The following MIER1 variants were observed in gnomAD, a reference collection of about 807,000 sequenced individuals.
MIER1 encodes the protein mesoderm induction early response protein 1.
Under a neutral mutation model 75.7 loss-of-function variants are expected in MIER1, and 40 were observed. That is an observed-to-expected ratio of 0.53 (90% CI 0.41 to 0.69). The LOEUF is 0.69. MIER1 is among the 30% of genes least tolerant of loss of function. MIER1 has a pLI of 0.00. For missense variants in MIER1, 574 were observed against 680.2 expected (o/e 0.84, Z 1.74); for synonymous variants, 213 against 223.4 (o/e 0.95, Z 0.42).
chr1:66,931,803 C>T (rs978110481), intron 2 of MIER1, among the ~76,000 whole-genome samples: 15 of 151,906 alleles, frequency 9.9e-5, no homozygotes, highest in Non-Finnish European at 2.1e-4. Context: ...TGTTTGTTTC[C>T]TTCATGTTTA....
intron 2 of MIER1, among the ~76,000 whole-genome samples, chr1:66,934,463 G>T (rs1654246275): frequency 2.0e-5 from 3 of 149,458 alleles, no homozygotes; most frequent in Admixed American, 1.3e-4. Context: ...GAGTGCAGTG[G>T]CGCAAATCAT....
chr1:66,925,999 C>T (rs1306402458), intron 1 of MIER1, 143 bp from the exon 2 acceptor site: 3 of 637,594 alleles, frequency 4.7e-6, no homozygotes, highest in African/African-American at 1.8e-5. Context: ...ACTTAAGGCT[C>T]ATTAAATGTT....
chr1:66,953,494 A>G (rs907615645), intron 4 of MIER1, among the ~76,000 whole-genome samples: 4 of 151,762 alleles, frequency 2.6e-5, no homozygotes, highest in East Asian at 3.9e-4. Context: ...TTTGGTGGTG[A>G]TGATTTTTTC....
chr1:66,945,624 C>T (rs1300587687), intron 3 of MIER1, among the ~76,000 whole-genome samples: 5 of 152,028 alleles, frequency 3.3e-5, no homozygotes, highest in Non-Finnish European at 5.9e-5. Context: ...GACTTTGGGA[C>T]GCCAAGGCAG....
intron 8 of MIER1, among the ~76,000 whole-genome samples, chr1:66,966,790 T>C (rs1005313304): frequency 1.3e-5 from 2 of 152,068 alleles, no homozygotes; most frequent in African/African-American, 4.8e-5. Context: ...ATGGACACTT[T>C]TTTTGCCATC....
At chr1:66,945,316 TAAAATAC>T (rs1558042253) in intron 3 of MIER1, among the ~76,000 whole-genome samples, 2 of 106,758 alleles carry the variant, frequency 1.9e-5, no homozygotes, top group Non-Finnish European at 4.1e-5. Flanking sequence ...TATATATATA[TAAAATAC>T]CTAATATAGG....
At chr1:66,981,230 C>G (rs1221892623) in intron 12 of MIER1, among the ~76,000 whole-genome samples, 1 of 152,016 alleles carries the variant, frequency 6.6e-6, no homozygotes, top group Non-Finnish European at 1.5e-5. Context: ...AGCTCACATA[C>G]AATGAGAAAG....
At chr1:66,951,747 A>AT (rs1341354999) in intron 4 of MIER1, among the ~76,000 whole-genome samples, 6 of 152,064 alleles carry the variant, frequency 3.9e-5, no homozygotes, top group African/African-American at 1.4e-4. Flanking sequence ...GCCTGGCTAC[A>AT]TTCCTGTATT....
At chr1:66,941,986 A>AC (rs1469389999) in intron 3 of MIER1, among the ~76,000 whole-genome samples, 3 of 151,580 alleles carry the variant, frequency 2.0e-5, no homozygotes, top group Non-Finnish European at 4.4e-5. Context: ...AAAAAAAAAA[A>AC]ACAGTCTTTG....
intron 7 of MIER1, among the ~76,000 whole-genome samples, chr1:66,962,382 T>TTTTTCCTA (rs1661429519): frequency 6.6e-6 from 1 of 152,218 alleles, no homozygotes. Context: ...CTTTTTGTTA[T>TTTTTCCTA]TTTTCCTACT....
At chr1:66,954,478 A>T (rs1022239882) in intron 4 of MIER1, among the ~76,000 whole-genome samples, 4 of 152,152 alleles carry the variant, frequency 2.6e-5, no homozygotes, top group African/African-American at 9.7e-5. Context: ...TGTCTGCTCT[A>T]ATCAGGGTGA....
rs1289814872 is a variant in MIER1, at chr1:66,988,582, T to C, written c.*3682T>C. ...TGTCTTTAGTTAGTATAAAGAATTA[T>C]AGAATGTATAATGTAATTAAAATGT... On this transcript the variant is annotated 3_prime_UTR_variant, in exon 14 of 14. Coordinates refer to ENST00000401041, the MANE Select transcript of MIER1 (RefSeq NM_001077700.3). 2 of 152,144 alleles carry C rather than the reference T, an allele frequency of 1.3e-5. No individual in the cohort carries two copies. The highest frequency in any genetic ancestry group is 6.5e-5 in the Admixed American group (1 of 15,278). 9.4% of individuals were successfully genotyped at this position (152,144 alleles called of 1,614,324 possible).
intron 8 of MIER1, among the ~76,000 whole-genome samples, chr1:66,965,614 G>A (rs1662225353): frequency 6.6e-6 from 1 of 152,098 alleles, no homozygotes; most frequent in Non-Finnish European, 1.5e-5. Flanking sequence ...ACCACATCAT[G>A]GCAAATGGTG....
intron 4 of MIER1, among the ~76,000 whole-genome samples, chr1:66,957,823 A>T (rs886744038): frequency 6.6e-6 from 1 of 151,992 alleles, no homozygotes; most frequent in Non-Finnish European, 1.5e-5. Context: ...TTTTAATTAT[A>T]CTTAAAGATC....
Position 66,958,071 on chromosome 1 carries a change from C to T in MIER1, c.352C>T (p.Pro118Ser). The T allele has an allele frequency of 6.3e-7, 1 of 1,580,226 alleles. No homozygotes were observed. Among genetic ancestry groups the T allele is most frequent in the Non-Finnish European group, 8.6e-7 (1 of 1,161,936 alleles). ...IEDLAREGDM[P>S]IHELLSLYGY... ...TTGATTTATTTAGGAAGGCGACATG[C>T]CAATTCATGAACTTCTCAGCCTTTA... The change falls in exon 5 of 14, where the codon CCA becomes TCA. Residue 118 changes from proline to serine, a missense_variant. Transcript: ENST00000401041.
intron 12 of MIER1, among the ~76,000 whole-genome samples, chr1:66,980,644 CATACTT>C (rs1171819885): frequency 6.6e-6 from 1 of 152,166 alleles, no homozygotes; most frequent in African/African-American, 2.4e-5. Flanking sequence ...ATATTTCTAT[CATACTT>C]ATGCTGAAGG....
At chr1:66,976,529 G>C in intron 11 of MIER1, 66 bp from the exon 12 acceptor site, 2 of 1,458,800 alleles carry the variant, frequency 1.4e-6, no homozygotes, top group Non-Finnish European at 1.8e-6. Flanking sequence ...TCAAACTTCA[G>C]ATGTTTATCA....
Position 66,984,564 on chromosome 1 carries a change from C to T in MIER1, c.1370-8C>T. 6.5e-7 allele frequency: 1 copy of T among 1,544,430 alleles called. No individual in the cohort carries two copies. Among genetic ancestry groups the T allele is most frequent in the South Asian group, 1.2e-5 (1 of 81,412 alleles). ...ATTGTGGTTTCATTTATATTTCTTT[C>T]AACTTAGGAGTGTCATCTAATGGAC... On this transcript the variant is annotated splice_polypyrimidine_tract_variant and splice_region_variant and intron_variant, in intron 13 of 13. Coordinates refer to ENST00000401041, the MANE Select transcript of MIER1 (RefSeq NM_001077700.3).
intron 8 of MIER1, among the ~76,000 whole-genome samples, chr1:66,966,762 T>C (rs895426282): frequency 6.6e-6 from 1 of 152,226 alleles, no homozygotes; most frequent in Non-Finnish European, 1.5e-5. Flanking sequence ...ATTGTGGTTT[T>C]GATGCATTCA....
Sources: allele counts gnomAD v4.1 joint callset (sites outside exome capture counted in the v4.1 genomes callset), GRCh38; gene constraint gnomAD v4.1.1; transcripts MANE v1.5; gene names NCBI Gene and HGNC (gene_info 2026-07-23, HGNC 2026-07-21).